HPD: variants seen among roughly 807,000 people sequenced by gnomAD.
HPD encodes the protein 4-hydroxyphenylpyruvate dioxygenase, also known as 4-hydroxyphenylpyruvic acid oxidase.
Under a neutral mutation model 56.9 loss-of-function variants are expected in HPD, and 35 were observed. The ratio of observed to expected loss-of-function variants is 0.62; its 90% CI spans 0.47 to 0.82. The LOEUF is 0.82. Among genes scored for constraint, HPD ranks in the 40% least tolerant of loss-of-function variants. The probability of loss-of-function intolerance (pLI) is 0.00; values close to 1 mark genes in which losing one functional copy is unlikely to be tolerated. For missense variants in HPD, 442 were observed against 506.8 expected (o/e 0.87, Z 1.23); for synonymous variants, 186 against 200.2 (o/e 0.93, Z 0.60).
At chr12:121,867,649 G>C (rs536839845), upstream of HPD, among the ~76,000 whole-genome samples, 7 of 152,068 alleles carry the variant, frequency 4.6e-5, no homozygotes, top group South Asian at 1.5e-3. Flanking sequence ...GAGTAGCTGG[G>C]ATTACAGGTG....
intron 4 of HPD, 189 bp downstream of exon 4, chr12:121,857,139 G>C: frequency 1.7e-6 from 1 of 592,350 alleles, no homozygotes; most frequent in Non-Finnish European, 3.1e-6. Flanking sequence ...GAGTGCAGTG[G>C]CACGACGTTG....
At position 121,857,819 on chromosome 12, in the gene HPD, G is replaced by A. The variant is rs1365354832; in HGVS notation, c.31C>T (p.Pro11Ser). The A allele has an allele frequency of 1.9e-6, 3 of 1,613,312 alleles. No homozygotes were observed. The African/African-American group carries it at 4.0e-5, about 22-fold the overall frequency. ...AAGTGGAGGAATCGGCCTCTCTCAG[G>A]CTGCAGAAGGAGAGAAGAGGTGAGG... MTTYSDKGAKPERGRFLHFHS... is the reference protein window; with the variant it reads MTTYSDKGAKSERGRFLHFHS... The change falls in exon 3 of 14, where the codon CCT becomes TCT. Residue 11 changes from proline (P) to serine (S), a missense_variant and splice_region_variant. Physicochemically the swap from Pro to Ser is moderately conservative, Grantham distance 74. Transcript: ENST00000289004.
At chr12:121,857,711 T>C in intron 3 of HPD, 46 bp downstream of exon 3, 1 of 1,532,598 alleles carries the variant, frequency 6.5e-7, no homozygotes, top group Non-Finnish European at 9.0e-7. Context: ...CAGGCAGCCC[T>C]CTGCCCTGCC....
chr12:121,880,904 C>T, the HPD span, among the ~76,000 whole-genome samples: 1 of 152,178 alleles, frequency 6.6e-6, no homozygotes, highest in African/African-American at 2.4e-5. Flanking sequence ...AAGCAATCCC[C>T]CCACATCAGC....
At chr12:121,879,482 G>GTTCTCTTCTGTTCTCTTCTC in the HPD span, among the ~76,000 whole-genome samples, 30 of 148,014 alleles carry the variant, frequency 2.0e-4, no homozygotes, top group South Asian at 4.4e-4. Flanking sequence ...TTTCTCTTCT[G>GTTCTCTTCTGTTCTCTTCTC]TTCTCTTCTC....
upstream of HPD, among the ~76,000 whole-genome samples, chr12:121,867,706 G>GT (rs1405395130): frequency 1.3e-5 from 2 of 152,186 alleles, no homozygotes; most frequent in South Asian, 4.1e-4. Flanking sequence ...TAGAGACAGG[G>GT]TTTTGCCATG....
At chr12:121,871,094 G>C in the HPD span, among the ~76,000 whole-genome samples, 1 of 152,016 alleles carries the variant, frequency 6.6e-6, no homozygotes, top group African/African-American at 2.4e-5. Context: ...TTAAAAATTG[G>C]ATCTAGGCTG....
Position 121,847,207 on chromosome 12 carries a change from T to C in HPD, c.604A>G (p.Lys202Glu). The C allele has an allele frequency of 6.2e-7, 1 of 1,614,160 alleles. No individual in the cohort carries two copies. The highest frequency in any genetic ancestry group is 8.5e-7 in the Non-Finnish European group (1 of 1,180,018). Reference sequence around the variant, plus strand: ...CAGAAGCGGTGGAACTGCAGGTTTTTCAGGTACCTGTAGGGTGGGCGGTGG... The same window carrying C: ...CAGAAGCGGTGGAACTGCAGGTTTTCCAGGTACCTGTAGGGTGGGCGGTGG... ...EMVSASEWYL[K>E]NLQFHRFWSV... is the part of the protein sequence containing the mutation. The change falls in exon 10 of 14, where the codon AAA becomes GAA. Residue 202 changes from lysine to glutamate, a missense_variant. Physicochemically the swap from Lys to Glu is moderately conservative, Grantham distance 56. Coordinates refer to ENST00000289004, the MANE Select transcript of HPD (RefSeq NM_002150.3).
intron 7 of HPD, among the ~76,000 whole-genome samples, chr12:121,853,155 A>G (rs762025907): frequency 6.6e-6 from 1 of 152,074 alleles, no homozygotes; most frequent in Admixed American, 6.6e-5. Flanking sequence ...ACGGGGAACA[A>G]CAGACACTAG....
upstream of HPD, among the ~76,000 whole-genome samples, chr12:121,867,669 A>G (rs1049333782): frequency 6.6e-6 from 1 of 151,932 alleles, no homozygotes; most frequent in Non-Finnish European, 1.5e-5. Context: ...GCACATCACC[A>G]TGCCTGGCTA....
At chr12:121,852,744 C>T (rs1376609344) in intron 7 of HPD, among the ~76,000 whole-genome samples, 1 of 147,500 alleles carries the variant, frequency 6.8e-6, no homozygotes, top group Non-Finnish European at 1.5e-5. Context: ...AAGCGATTCT[C>T]CCACCTCAGC....
In HPD at chr12:121,846,915, C is replaced by G. The variant is rs755816788; in HGVS notation, c.778G>C (p.Gly260Arg). 6.2e-7 allele frequency: 1 copy of G among 1,614,004 alleles called. No individual in the cohort carries two copies. The highest frequency in any genetic ancestry group is 8.5e-7 in the Non-Finnish European group (1 of 1,180,012). Residue 260 changes from glycine to arginine, a missense_variant, in exon 11 of 14, where the codon GGG (glycine) becomes CGG (arginine). Transcript: ENST00000289004. ...SQIQEYVDYN[G>R]GAGVQHIALK... ...GCGATGTGCTGGACCCCAGCGCCCCCGTTATAGTCCACATATTCCTGGGGG... is the reference window on the plus strand; with the variant it reads ...GCGATGTGCTGGACCCCAGCGCCCCGGTTATAGTCCACATATTCCTGGGGG...
upstream of HPD, among the ~76,000 whole-genome samples, chr12:121,859,880 C>T (rs995976773): frequency 2.6e-5 from 4 of 152,170 alleles, no homozygotes; most frequent in African/African-American, 7.2e-5. Context: ...AACTGGGGGC[C>T]GGGGGTGGTG....
At chr12:121,840,084 T>C in intron 12 of HPD, 36 bp from the exon 13 acceptor site, 2 of 1,401,980 alleles carry the variant, frequency 1.4e-6, no homozygotes, top group South Asian at 1.2e-5. Context: ...TAGGGGAGGC[T>C]GGCACGGTGA....
chr12:121,884,235 A>G, the HPD span, among the ~76,000 whole-genome samples: 1 of 146,516 alleles, frequency 6.8e-6, no homozygotes, highest in Non-Finnish European at 1.5e-5. Flanking sequence ...CAGTGGCATG[A>G]TCGCCGCTCA....
At chr12:121,862,298 CTT>C (rs1208844264), upstream of HPD, among the ~76,000 whole-genome samples, 6,198 of 140,246 alleles carry the variant, frequency 0.044, 382 homozygotes, top group African/African-American at 0.15. Flanking sequence ...CTCTGCATTT[CTT>C]TTTTTTTTTT....
chr12:121,872,674 G>T, the HPD span, among the ~76,000 whole-genome samples: 1 of 151,896 alleles, frequency 6.6e-6, no homozygotes, highest in Non-Finnish European at 1.5e-5. Flanking sequence ...TTGGTTCAGG[G>T]CTGGGCACCT....
At chr12:121,845,591 G>A (rs1387277287) in intron 11 of HPD, among the ~76,000 whole-genome samples, 22 of 135,478 alleles carry the variant, frequency 1.6e-4, no homozygotes, top group East Asian at 7.0e-4. Flanking sequence ...ACAGAGCCAG[G>A]CTCCGTCTCA....
At chr12:121,872,824 T>TA in the HPD span, among the ~76,000 whole-genome samples, 1 of 152,040 alleles carries the variant, frequency 6.6e-6, no homozygotes, top group Non-Finnish European at 1.5e-5. Context: ...CATGCTTGTA[T>TA]ATAAAGCCAG....
Sources: gnomAD v4.1 joint callset for allele counts (sites outside exome capture counted in the v4.1 genomes callset) on GRCh38, gnomAD v4.1.1 for gene constraint, MANE v1.5 for transcripts, NCBI Gene and HGNC (gene_info 2026-07-23, HGNC 2026-07-21) for gene names.